Variants in PRDM5 observed in about 807,000 individuals in gnomAD.
PRDM5 encodes PR domain zinc finger protein 5.
PRDM5 carries 56 observed loss-of-function variants against 81.2 expected under a neutral mutation model. That is an observed-to-expected ratio of 0.69 (90% CI 0.56 to 0.86). The LOEUF is 0.86. Ranked by LOEUF, PRDM5 falls within the 40% of genes least tolerant of loss-of-function variation. PRDM5 has a pLI of 0.00. For missense variants in PRDM5, 697 were observed against 770.1 expected (o/e 0.91, Z 1.12); for synonymous variants, 267 against 256.4 (o/e 1.04, Z -0.39).
At position 120,781,731 on chromosome 4, in the gene PRDM5, T is replaced by A. The variant is rs575773379; in HGVS notation, c.1283-428A>T. ...CCTATAACCTCCTGTGAATAGATAA[T>A]AGGCAGAATTGGATTGTAGGTAGAG... On this transcript the variant is annotated intron_variant, in intron 11 of 15. Coordinates refer to ENST00000264808, the MANE Select transcript of PRDM5 (RefSeq NM_018699.4). 3.9e-5 allele frequency among the ~76,000 whole-genome samples: 6 copies of A among 152,202 alleles called. No homozygotes were observed. The East Asian group carries it at 1.2e-3, about 29-fold the overall frequency.
chr4:120,719,611 C>T (rs1027364659), intron 14 of PRDM5, among the ~76,000 whole-genome samples: 1 of 152,006 alleles, frequency 6.6e-6, no homozygotes, highest in African/African-American at 2.4e-5. Flanking sequence ...ATAAAGATGT[C>T]TACGTCATAA....
At chr4:120,840,387 C>T (rs1757885834) in intron 3 of PRDM5, among the ~76,000 whole-genome samples, 1 of 152,098 alleles carries the variant, frequency 6.6e-6, no homozygotes, top group African/African-American at 2.4e-5. Context: ...GAATGTCAGG[C>T]TTGGCAGTCA....
intron 2 of PRDM5, among the ~76,000 whole-genome samples, chr4:120,902,891 C>G (rs1765374486): frequency 1.3e-5 from 2 of 152,118 alleles, no homozygotes; most frequent in African/African-American, 4.8e-5. Flanking sequence ...TCCCCATGAC[C>G]CTAAGATCCC....
intron 13 of PRDM5, among the ~76,000 whole-genome samples, chr4:120,756,678 G>A (rs1237319071): frequency 6.6e-6 from 1 of 152,178 alleles, no homozygotes; most frequent in Non-Finnish European, 1.5e-5. Context: ...GGTAGCTCCT[G>A]CATCACACAA....
intron 14 of PRDM5, among the ~76,000 whole-genome samples, chr4:120,727,290 G>T (rs1255844874): frequency 4.7e-5 from 6 of 127,940 alleles, no homozygotes. Context: ...ATCCAAGAAA[G>T]ATGTATGTAT....
chr4:120,821,545 A>G (rs1755273202), intron 3 of PRDM5, among the ~76,000 whole-genome samples, 200 bp from the exon 4 acceptor site: 2 of 152,210 alleles, frequency 1.3e-5, no homozygotes. Flanking sequence ...ACATATGACA[A>G]AAAGTGACAT....
intron 15 of PRDM5, among the ~76,000 whole-genome samples, chr4:120,708,461 G>GA (rs1379097248): frequency 4.6e-5 from 7 of 152,058 alleles, no homozygotes; most frequent in Admixed American, 4.6e-4. Context: ...AGTGAAAGCA[G>GA]ATTGGTAGCT....
intron 14 of PRDM5, among the ~76,000 whole-genome samples, chr4:120,742,298 C>A (rs1275990586): frequency 6.6e-6 from 1 of 152,124 alleles, no homozygotes; most frequent in Non-Finnish European, 1.5e-5. Flanking sequence ...TCATCAAAGA[C>A]CAAAGGTAGA....
chr4:120,834,746 G>A (rs1447533516), intron 3 of PRDM5, among the ~76,000 whole-genome samples: 1 of 152,136 alleles, frequency 6.6e-6, no homozygotes, highest in African/African-American at 2.4e-5. Context: ...CATCCAATCA[G>A]TGGAAGGCCT....
At chr4:120,911,444 C>T (rs1359563728) in intron 1 of PRDM5, among the ~76,000 whole-genome samples, 2 of 152,322 alleles carry the variant, frequency 1.3e-5, no homozygotes, top group South Asian at 2.1e-4. Flanking sequence ...AATGGAGCAT[C>T]TTTGTTTTTA....
chr4:120,816,128 G>C (rs780975329), intron 7 of PRDM5: 2 of 316,322 alleles, frequency 6.3e-6, no homozygotes, highest in Non-Finnish European at 1.2e-5. Flanking sequence ...ATTTATAAAA[G>C]AAATGTCACA....
intron 2 of PRDM5, among the ~76,000 whole-genome samples, chr4:120,853,958 A>G (rs911471990): frequency 6.6e-6 from 1 of 152,188 alleles, no homozygotes; most frequent in Non-Finnish European, 1.5e-5. Flanking sequence ...AATCATTTCA[A>G]TTCCTCTCTG....
intron 2 of PRDM5, among the ~76,000 whole-genome samples, chr4:120,856,520 A>C (rs1396569475): frequency 6.6e-6 from 1 of 152,048 alleles, no homozygotes; most frequent in Non-Finnish European, 1.5e-5. Flanking sequence ...AGTCTTCAAC[A>C]CTCCACCAAA....
intron 3 of PRDM5, among the ~76,000 whole-genome samples, chr4:120,831,341 A>G (rs1385023795): frequency 6.6e-6 from 1 of 152,082 alleles, no homozygotes; most frequent in Non-Finnish European, 1.5e-5. Context: ...CTTCTCAATT[A>G]GGAAGCTGCT....
intron 2 of PRDM5, among the ~76,000 whole-genome samples, chr4:120,882,835 G>C (rs954171413): frequency 6.6e-6 from 1 of 152,120 alleles, no homozygotes; most frequent in South Asian, 2.1e-4. Context: ...TCAAAACAAC[G>C]TACGTGCCTC....
At chr4:120,811,576 A>C in intron 7 of PRDM5, 127 bp from the exon 8 acceptor site, 1 of 552,994 alleles carries the variant, frequency 1.8e-6, no homozygotes, top group Non-Finnish European at 3.2e-6. Context: ...AGTGTTGTAG[A>C]TATATTCATT....
intron 2 of PRDM5, among the ~76,000 whole-genome samples, chr4:120,871,631 C>T (rs996010058): frequency 8.5e-5 from 13 of 152,076 alleles, no homozygotes; most frequent in African/African-American, 1.2e-4. Context: ...TATCCTCCAT[C>T]GTAAACTTAA....
chr4:120,748,302 A>G (rs1743447653), intron 14 of PRDM5, among the ~76,000 whole-genome samples: 1 of 152,178 alleles, frequency 6.6e-6, no homozygotes, highest in Non-Finnish European at 1.5e-5. Context: ...CCTTGGAAAA[A>G]TTCAAATCTT....
chr4:120,688,766 T>C (rs982740273), downstream of PRDM5, among the ~76,000 whole-genome samples: 1 of 152,120 alleles, frequency 6.6e-6, no homozygotes. Context: ...TTGTTAAAGA[T>C]CATTTAGCTG....
Sources: allele counts gnomAD v4.1 joint callset (sites outside exome capture counted in the v4.1 genomes callset), GRCh38; gene constraint gnomAD v4.1.1; transcripts MANE v1.5; gene names NCBI Gene and HGNC (gene_info 2026-07-23, HGNC 2026-07-21).